LRCH3: variants seen among roughly 807,000 people sequenced by gnomAD.
LRCH3 encodes the protein leucine rich repeats and calponin homology domain containing 3, also known as DISP complex protein LRCH3.
LRCH3 carries 68 observed loss-of-function variants against 104.5 expected under a neutral mutation model. The observed-to-expected ratio is 0.65, with a 90% confidence interval of 0.54 to 0.80. The LOEUF (loss-of-function observed/expected upper bound fraction) is 0.80, where lower values mean the gene tolerates loss of function less well. Ranked by LOEUF, LRCH3 falls within the 30% of genes least tolerant of loss-of-function variation. The pLI is 0.00. For missense variants in LRCH3, 951 were observed against 953.9 expected (o/e 1.00, Z 0.04); for synonymous variants, 344 against 361.3 (o/e 0.95, Z 0.54).
chr3:197,828,952 A>C (rs1031167656), intron 5 of LRCH3, among the ~76,000 whole-genome samples: 1 of 151,710 alleles, frequency 6.6e-6, no homozygotes, highest in Non-Finnish European at 1.5e-5. Context: ...CAGGTGATCC[A>C]CCCACCTCAG....
intron 10 of LRCH3, among the ~76,000 whole-genome samples, chr3:197,846,630 G>C: frequency 6.6e-6 from 1 of 150,578 alleles, no homozygotes; most frequent in Non-Finnish European, 1.5e-5. Flanking sequence ...CCATGATGAT[G>C]GGTTTTTTTT....
chr3:197,849,403 C>G (rs1045011108), intron 12 of LRCH3, among the ~76,000 whole-genome samples: 4 of 151,460 alleles, frequency 2.6e-5, no homozygotes, highest in African/African-American at 9.7e-5. Context: ...TGAGATGTTT[C>G]TTCTTTTTGT....
chr3:197,830,414 CA>C (rs1476527628), intron 6 of LRCH3, among the ~76,000 whole-genome samples: 1 of 152,168 alleles, frequency 6.6e-6, no homozygotes, highest in Non-Finnish European at 1.5e-5. Context: ...ATGTTTCAGT[CA>C]AAGTGAAGTA....
intron 15 of LRCH3, 38 bp downstream of exon 15, chr3:197,858,943 G>A: frequency 6.6e-7 from 1 of 1,519,298 alleles, no homozygotes; most frequent in Non-Finnish European, 9.1e-7. Context: ...GAAGTTTGGG[G>A]AGGAGGTGGA....
chr3:197,839,232 A>T (rs776797278), intron 9 of LRCH3, 89 bp from the exon 10 acceptor site: 1 of 825,872 alleles, frequency 1.2e-6, no homozygotes, highest in Non-Finnish European at 1.9e-6. Context: ...TGTAATATAT[A>T]AATTAAATGA....
intron 5 of LRCH3, among the ~76,000 whole-genome samples, chr3:197,827,736 GT>G (rs1415998770): frequency 6.6e-6 from 1 of 151,368 alleles, no homozygotes; most frequent in Admixed American, 6.6e-5. Context: ...TAAAATTTTA[GT>G]TAATTTCTTT....
chr3:197,854,580 C>A lies in LRCH3; in HGVS notation c.1644+135C>A. 1 of 829,858 alleles carries A rather than the reference C, an allele frequency of 1.2e-6. No homozygotes were observed. 51.4% of individuals were successfully genotyped at this position (829,858 alleles called of 1,614,324 possible). On this transcript the variant is annotated intron_variant, in intron 14 of 20. Transcript: ENST00000425562. The surrounding 1 kb of genome is among the most constrained non-coding windows in gnomAD (Gnocchi z 4.5). ...GCTTTATGAAGAACTAAACCATTTTCCCACATGACCATTTGTGATTGACCC... is the reference window on the plus strand; with the variant it reads ...GCTTTATGAAGAACTAAACCATTTTACCACATGACCATTTGTGATTGACCC...
chr3:197,865,503 C>G (rs936370958), intron 16 of LRCH3, 32 bp downstream of exon 16: 32 of 1,339,948 alleles, frequency 2.4e-5, no homozygotes, highest in Non-Finnish European at 3.2e-5. Flanking sequence ...TTAACCACAT[C>G]AAGATTATAA....
intron 1 of LRCH3, among the ~76,000 whole-genome samples, chr3:197,812,354 A>G (rs182254345): frequency 4.9e-4 from 74 of 152,302 alleles, no homozygotes; most frequent in Non-Finnish European, 8.5e-4. Flanking sequence ...TTGAATGTAG[A>G]ATAATATTCC....
At chr3:197,867,561 T>C (rs1044000965) in intron 17 of LRCH3, among the ~76,000 whole-genome samples, 2 of 151,046 alleles carry the variant, frequency 1.3e-5, no homozygotes, top group African/African-American at 4.9e-5. Context: ...CTTAAAAAAA[T>C]ACAAAAAATT....
At chr3:197,849,251 G>C (rs1265223351) in intron 12 of LRCH3, among the ~76,000 whole-genome samples, 1 of 124,658 alleles carries the variant, frequency 8.0e-6, no homozygotes, top group African/African-American at 3.1e-5. Flanking sequence ...CTGGTTGACA[G>C]AGTGAGACTC....
chr3:197,830,233 A>C (rs1735746537), intron 6 of LRCH3, among the ~76,000 whole-genome samples: 1 of 152,178 alleles, frequency 6.6e-6, no homozygotes, highest in Admixed American at 6.5e-5. Context: ...TCTGCTTGGC[A>C]GTCCCAACCA....
At chr3:197,798,224 G>T (rs890825902) in intron 1 of LRCH3, among the ~76,000 whole-genome samples, 1 of 152,060 alleles carries the variant, frequency 6.6e-6, no homozygotes, top group Admixed American at 6.6e-5. Context: ...TCGCACCACT[G>T]CTCTCCAGTA....
intron 9 of LRCH3, among the ~76,000 whole-genome samples, chr3:197,836,712 C>CT (rs1223979605): frequency 6.6e-6 from 1 of 152,240 alleles, no homozygotes; most frequent in Admixed American, 6.5e-5. Context: ...CAGAGTCACT[C>CT]TGTCGCCCAG....
At chr3:197,795,694 T>G (rs1328291860) in intron 1 of LRCH3, among the ~76,000 whole-genome samples, 5 of 136,494 alleles carry the variant, frequency 3.7e-5, no homozygotes, top group African/African-American at 1.1e-4. Context: ...TTGTTTTTTT[T>G]TTTTTTTTTT....
chr3:197,813,523 T>C (rs1166207208), intron 1 of LRCH3, among the ~76,000 whole-genome samples: 1,597 of 104,934 alleles, frequency 0.015, 221 homozygotes, highest in African/African-American at 0.035. Flanking sequence ...TTTTTTTTTT[T>C]TTTTTTTTTT....
intron 1 of LRCH3, among the ~76,000 whole-genome samples, chr3:197,813,330 T>A (rs920985801): frequency 2.0e-5 from 3 of 151,034 alleles, no homozygotes; most frequent in Middle Eastern, 3.4e-3. Flanking sequence ...AGCAAATGAA[T>A]CTCACAGTAA....
At chr3:197,865,997 G>A in intron 16 of LRCH3, 115 bp from the exon 17 acceptor site, 6 of 746,002 alleles carry the variant, frequency 8.0e-6, no homozygotes, top group Non-Finnish European at 6.7e-6. Flanking sequence ...TCATTAAATA[G>A]AATTATTTTA....
At position 197,845,686 on chromosome 3, in the gene LRCH3, C is replaced by G. The variant is rs569987783; in HGVS notation, c.1329-1723C>G. On this transcript the variant is annotated intron_variant, in intron 10 of 20. Transcript: ENST00000425562. ...TTGGGAGGCTGAGGTGAGTGGATCA[C>G]CTGAGGTCAGGAGTTCAAGACCAGC... is the stretch of plus-strand genomic sequence containing the variant. 2.0e-5 allele frequency among the ~76,000 whole-genome samples: 3 copies of G among 152,108 alleles called. No homozygotes were observed. The South Asian group carries it at 6.2e-4, about 32-fold the overall frequency.
Sources: gnomAD v4.1 joint callset for allele counts (sites outside exome capture counted in the v4.1 genomes callset) on GRCh38, gnomAD v4.1.1 for gene constraint, Gnocchi (gnomAD v3.1) non-coding constraint, MANE v1.5 for transcripts, NCBI Gene and HGNC (gene_info 2026-07-23, HGNC 2026-07-21) for gene names.